Variants in SEMA3A observed in about 807,000 individuals in gnomAD.
The protein encoded by SEMA3A is semaphorin 3A.
SEMA3A carries 29 observed loss-of-function variants against 97.9 expected under a neutral mutation model. The observed-to-expected ratio is 0.30, with a 90% CI of 0.22 to 0.40. SEMA3A has a LOEUF of 0.40. SEMA3A is among the 10% of genes least tolerant of loss of function. The pLI is 1.00. For missense variants in SEMA3A, 763 were observed against 951.3 expected (o/e 0.80, Z 2.60); for synonymous variants, 321 against 323.7 (o/e 0.99, Z 0.09).
chr7:84,264,538 A>G (rs191028246), intron 3 of SEMA3A, among the ~76,000 whole-genome samples: 133 of 152,326 alleles, frequency 8.7e-4, no homozygotes, highest in Middle Eastern at 3.4e-3. Context: ...TTCTAACCCA[A>G]TTGTGGATCC....
intron 1 of SEMA3A, among the ~76,000 whole-genome samples, chr7:84,377,756 T>C (rs1021891828): frequency 2.0e-5 from 3 of 152,186 alleles, no homozygotes; most frequent in Non-Finnish European, 4.4e-5. Flanking sequence ...CTACCCATCA[T>C]CAGAGAAATA....
chr7:84,334,863 T>C (rs924711928), intron 2 of SEMA3A, among the ~76,000 whole-genome samples: 2 of 128,918 alleles, frequency 1.6e-5, no homozygotes, highest in African/African-American at 5.9e-5. Flanking sequence ...TGGCCCTGCC[T>C]CCTCAATTTC....
chr7:84,406,119 T>C (rs1804077439), intron 1 of SEMA3A, among the ~76,000 whole-genome samples: 1 of 152,102 alleles, frequency 6.6e-6, no homozygotes, highest in Non-Finnish European at 1.5e-5. Context: ...AGCTGGTTTT[T>C]TGAAAAGATC....
At chr7:84,491,864 CTTTTG>C (rs980418826) in intron 1 of SEMA3A, among the ~76,000 whole-genome samples, 8 of 152,044 alleles carry the variant, frequency 5.3e-5, no homozygotes, top group African/African-American at 1.7e-4. Context: ...GACAAATGAC[CTTTTG>C]TTTTGTTTTG....
At chr7:84,408,439 TTGG>T (rs746081458) in intron 1 of SEMA3A, among the ~76,000 whole-genome samples, 12 of 151,394 alleles carry the variant, frequency 7.9e-5, no homozygotes, top group Non-Finnish European at 1.5e-4. Context: ...TTTTACACTG[TTGG>T]TGGGACTGTA....
chr7:84,061,698 G>T (rs1295305510), intron 4 of SEMA3A, among the ~76,000 whole-genome samples: 1 of 151,956 alleles, frequency 6.6e-6, no homozygotes, highest in African/African-American at 2.4e-5. Context: ...TAATGGCAGG[G>T]TTTCAAATTA....
At chr7:84,396,295 G>C (rs1803730016) in intron 1 of SEMA3A, among the ~76,000 whole-genome samples, 1 of 150,564 alleles carries the variant, frequency 6.6e-6, no homozygotes, top group African/African-American at 2.4e-5. Flanking sequence ...CAGCAACAGG[G>C]TCAATACAAA....
At chr7:84,322,086 CA>C (rs1801663319) in intron 2 of SEMA3A, among the ~76,000 whole-genome samples, 1 of 151,338 alleles carries the variant, frequency 6.6e-6, no homozygotes, top group African/African-American at 2.4e-5. Flanking sequence ...CAAACACTTA[CA>C]AAACCATCAG....
intron 4 of SEMA3A, 34 bp from the exon 5 acceptor site, chr7:84,060,592 C>A: frequency 7.2e-7 from 1 of 1,392,820 alleles, no homozygotes; most frequent in Non-Finnish European, 9.8e-7. Context: ...AAAAGGGTTT[C>A]CTTTATATAT....
intron 1 of SEMA3A, among the ~76,000 whole-genome samples, chr7:84,453,235 G>GTTTT (rs1805603965): frequency 8.6e-6 from 1 of 116,518 alleles, no homozygotes; most frequent in Non-Finnish European, 1.6e-5. Flanking sequence ...ATGAGACTTT[G>GTTTT]TTTCTTTTTT....
rs558741264 is a variant in SEMA3A at position 84,358,253 on chromosome 7, G to A, written c.-169+13571C>T. On this transcript the variant is annotated intron_variant, in intron 2 of 3. Coordinates refer to the SEMA3A transcript ENST00000424555. Reference sequence around the variant, plus strand: ...CGGTATTGCCTAGGTTTTCTTCTAGGGTTTTTATGGTTTCAGGTCTAACAT... The same window carrying A: ...CGGTATTGCCTAGGTTTTCTTCTAGAGTTTTTATGGTTTCAGGTCTAACAT... Among the ~76,000 whole-genome samples the A allele has an allele frequency of 2.2e-3, 330 of 152,134 alleles. 2 individuals are homozygous for A. Among genetic ancestry groups the A allele is most frequent in the African/African-American group, 7.4e-3 (309 of 41,502 alleles).
At chr7:84,343,913 C>T (rs564670472) in intron 2 of SEMA3A, among the ~76,000 whole-genome samples, 2 of 151,824 alleles carry the variant, frequency 1.3e-5, no homozygotes, top group East Asian at 1.9e-4. Context: ...GGCTGAGATG[C>T]GAGGATCACT....
At position 84,133,997 on chromosome 7, in the gene SEMA3A, G is replaced by GC. The variant is rs1447809661; in HGVS notation, c.270+796_270+797insG. Among the ~76,000 whole-genome samples, 25 of 151,740 alleles carry GC rather than the reference G, an allele frequency of 1.6e-4. No individual in the cohort carries two copies. The East Asian group carries it at 4.7e-3, about 28-fold the overall frequency. ...GAATGGCGTGAACCTGGGAGGCAGA[G>GC]TTGCAGTGAGCCAAGATCGCGCCAC... On this transcript the variant is annotated intron_variant, in intron 2 of 16. Coordinates refer to ENST00000265362, the MANE Select transcript of SEMA3A (RefSeq NM_006080.3).
At chr7:83,985,805 G>A (rs997734311) in intron 12 of SEMA3A, among the ~76,000 whole-genome samples, 57 of 152,198 alleles carry the variant, frequency 3.7e-4, no homozygotes, top group African/African-American at 1.3e-3. Context: ...TTTTGGACTT[G>A]TGTTAGGTGA....
chr7:84,204,631 G>A (rs1411138438), intron 3 of SEMA3A, among the ~76,000 whole-genome samples: 2 of 152,102 alleles, frequency 1.3e-5, no homozygotes, highest in Admixed American at 1.3e-4. Flanking sequence ...GAGGATCTAG[G>A]CTCTTATTAA....
chr7:84,007,512 A>G lies in SEMA3A; in HGVS notation c.996-15T>C, dbSNP rs760606922. On this transcript the variant is annotated splice_polypyrimidine_tract_variant and intron_variant, in intron 9 of 16. Transcript: ENST00000265362. ...TGAAAATGTTACTGAACAAGACAGC[A>G]AGAATAAAAACAGAAGTTCATCTTT... The G allele has an allele frequency of 7.3e-6, 11 of 1,511,558 alleles. No individual in the cohort carries two copies. The highest frequency in any genetic ancestry group is 9.8e-6 in the Non-Finnish European group (11 of 1,125,618). 93.6% of individuals were successfully genotyped at this position (1,511,558 alleles called of 1,614,324 possible).
intron 4 of SEMA3A, among the ~76,000 whole-genome samples, chr7:84,074,975 A>C (rs1259279207): frequency 6.6e-6 from 1 of 152,058 alleles, no homozygotes; most frequent in Non-Finnish European, 1.5e-5. Flanking sequence ...TTCATGTATA[A>C]TCTCTATGAT....
At chr7:84,477,302 G>A (rs946519633) in intron 1 of SEMA3A, among the ~76,000 whole-genome samples, 1 of 150,606 alleles carries the variant, frequency 6.6e-6, no homozygotes, top group Admixed American at 6.6e-5. Context: ...AGCCAGGCAT[G>A]GTGGAGGGCA....
At chr7:84,282,480 G>C (rs892051197) in intron 3 of SEMA3A, among the ~76,000 whole-genome samples, 1 of 151,884 alleles carries the variant, frequency 6.6e-6, no homozygotes, top group South Asian at 2.1e-4. Flanking sequence ...TATCTTTACT[G>C]TTTCCCCCAT....
Sources: gnomAD v4.1 joint callset for allele counts (sites outside exome capture counted in the v4.1 genomes callset) on GRCh38, gnomAD v4.1.1 for gene constraint, MANE v1.5 for transcripts, NCBI Gene and HGNC (gene_info 2026-07-23, HGNC 2026-07-21) for gene names.